Variants in IGLON5 observed in about 807,000 individuals in gnomAD.
IGLON5 encodes the protein IgLON family member 5, also known as Ig-like domain-containing protein ENSP00000270642.
IGLON5 carries 16 observed loss-of-function variants against 38.2 expected under a neutral mutation model. The observed-to-expected ratio is 0.42, with a 90% CI of 0.28 to 0.64. IGLON5 has a LOEUF of 0.64. Ranked by LOEUF, IGLON5 falls within the 30% of genes least tolerant of loss-of-function variation. The pLI, the probability that IGLON5 is intolerant of heterozygous loss-of-function variation, is 0.23. For missense variants in IGLON5, 366 were observed against 483.4 expected (o/e 0.76, Z 2.28); for synonymous variants, 207 against 216.4 (o/e 0.96, Z 0.38).
At chr19:51,328,366 G>C (rs1985267245) in intron 7 of IGLON5, among the ~76,000 whole-genome samples, 1 of 137,970 alleles carries the variant, frequency 7.2e-6, no homozygotes, top group Admixed American at 6.7e-5. Context: ...ACAAAAATTA[G>C]CCAGGCGTAG....
In IGLON5 at chr19:51,322,054, C is replaced by T. The variant is rs751621409; in HGVS notation, c.80-10C>T. 5.6e-5 allele frequency: 90 copies of T among 1,612,548 alleles called. No individual in the cohort carries two copies. Among genetic ancestry groups the T allele is most frequent in the Middle Eastern group, 1.6e-4 (1 of 6,074 alleles). ...AGCTGCCAAGGCTGAGCCACCCCCA[C>T]CTTCCACAGGGCTGCTCTCCCAGAG... is the stretch of plus-strand genomic sequence containing the variant. On this transcript the variant is annotated splice_polypyrimidine_tract_variant and intron_variant, in intron 1 of 7. Coordinates refer to ENST00000270642, the MANE Select transcript of IGLON5 (RefSeq NM_001101372.3).
intron 1 of IGLON5, among the ~76,000 whole-genome samples, chr19:51,316,436 G>A (rs766980725): frequency 6.0e-5 from 9 of 151,018 alleles, no homozygotes; most frequent in Middle Eastern, 3.2e-3. Context: ...CCCTGGTGTC[G>A]GTGACGCTAA....
intron 1 of IGLON5, among the ~76,000 whole-genome samples, chr19:51,315,713 T>TTTTTTTTTG (rs758372004): frequency 1.0e-5 from 1 of 96,014 alleles, no homozygotes; most frequent in African/African-American, 3.6e-5. Flanking sequence ...TTTTTTTTTT[T>TTTTTTTTTG]GAGACAGAGT....
chr19:51,327,168 C>A lies in IGLON5; in HGVS notation c.735C>A (p.Pro245=), dbSNP rs373708171. 2 of 1,612,452 alleles carry A rather than the reference C, an allele frequency of 1.2e-6. No individual in the cohort carries two copies. Among genetic ancestry groups the A allele is most frequent in the Non-Finnish European group, 1.7e-6 (2 of 1,179,662 alleles). The change falls in exon 6 of 8, where the codon CCC becomes CCA. Residue 245 remains proline (P), a synonymous_variant. Coordinates refer to ENST00000270642, the MANE Select transcript of IGLON5 (RefSeq NM_001101372.3). This position sits in a 1 kb window ranked among gnomAD's most constrained non-coding sequence, Gnocchi z 7.1. ...LLRCEAMAVP[P]ADFQWYKDDR... ...GCTGCGAAGCCATGGCGGTTCCCCC[C>A]GCGGATTTCCAGTGGTACAAGGATG... is the stretch of plus-strand genomic sequence containing the variant.
chr19:51,318,871 C>T (rs764973631), intron 1 of IGLON5, among the ~76,000 whole-genome samples: 2 of 152,174 alleles, frequency 1.3e-5, no homozygotes, highest in Non-Finnish European at 2.9e-5. Flanking sequence ...AGGGTAGGCA[C>T]CTTGGACAGC....
intron 1 of IGLON5, among the ~76,000 whole-genome samples, chr19:51,321,662 C>T (rs1164767132): frequency 6.6e-6 from 1 of 152,096 alleles, no homozygotes; most frequent in African/African-American, 2.4e-5. Context: ...ATATATGTGT[C>T]TGTGTACACA....
intron 1 of IGLON5, among the ~76,000 whole-genome samples, chr19:51,315,037 CT>C (rs1377674619): frequency 6.6e-6 from 1 of 152,192 alleles, no homozygotes; most frequent in East Asian, 1.9e-4. Flanking sequence ...TGCAATCGGC[CT>C]TTTCCCACTT....
chr19:51,328,291 C>T (rs1985265381), intron 7 of IGLON5, among the ~76,000 whole-genome samples: 1 of 149,206 alleles, frequency 6.7e-6, no homozygotes, highest in African/African-American at 2.5e-5. Context: ...CACCTGAAGT[C>T]AGGAATTTGA....
chr19:51,313,068 A>G (rs1428455575), intron 1 of IGLON5, among the ~76,000 whole-genome samples: 6 of 152,198 alleles, frequency 3.9e-5, no homozygotes, highest in African/African-American at 1.2e-4. Flanking sequence ...GGCCGCCCGC[A>G]TAGACCAAGT....
chr19:51,323,816 GGC>G lies in IGLON5; in HGVS notation c.315_316del (p.Asp106ArgfsTer40). The G allele has an allele frequency of 7.4e-6, 12 of 1,613,874 alleles. No individual in the cohort carries two copies. Among genetic ancestry groups the G allele is most frequent in the Non-Finnish European group, 9.3e-6 (11 of 1,179,874 alleles). ...FSILITEVGL[G>X]DEGLYTCSFQ... ...CATCCTCATCACCGAGGTGGGGCTC[GGC>G]GACGAGGGCCTCTACACCTGCTCCT... On this transcript the variant is annotated frameshift_variant, in exon 3 of 8. Coordinates refer to ENST00000270642, the MANE Select transcript of IGLON5 (RefSeq NM_001101372.3). LOFTEE classifies it high-confidence loss of function.
intron 1 of IGLON5, among the ~76,000 whole-genome samples, chr19:51,315,489 C>T (rs1425765254): frequency 6.6e-6 from 1 of 152,070 alleles, no homozygotes; most frequent in Non-Finnish European, 1.5e-5. Context: ...CCTCACGGAG[C>T]TTAGATCATA....
chr19:51,323,507 C>G (rs1985129321), intron 2 of IGLON5, among the ~76,000 whole-genome samples, 155 bp from the exon 3 acceptor site: 1 of 152,166 alleles, frequency 6.6e-6, no homozygotes, highest in South Asian at 2.1e-4. Context: ...GCTCAACTTA[C>G]CCCCAGCTGT....
Position 51,328,667 on chromosome 19 carries a change from C to T in IGLON5, c.923-4C>T. On this transcript the variant is annotated splice_region_variant and splice_polypyrimidine_tract_variant and intron_variant, in intron 7 of 7. Coordinates refer to ENST00000270642, the MANE Select transcript of IGLON5 (RefSeq NM_001101372.3). ...TCCCTCCATGACCCCTTCTCTTCCC[C>T]CAGGCCCAGGATCCCTGGAGAACTC... 6.4e-7 allele frequency: 1 copy of T among 1,563,444 alleles called. No homozygotes were observed. Among genetic ancestry groups the T allele is most frequent in the Non-Finnish European group, 8.7e-7 (1 of 1,154,714 alleles).
intron 1 of IGLON5, among the ~76,000 whole-genome samples, chr19:51,319,708 C>T (rs1049780830): frequency 6.6e-6 from 1 of 152,082 alleles, no homozygotes; most frequent in African/African-American, 2.4e-5. Context: ...ACAATATGAG[C>T]GCTCCTGGGA....
At chr19:51,328,413 G>A (rs752285850) in intron 7 of IGLON5, among the ~76,000 whole-genome samples, 35 of 151,238 alleles carry the variant, frequency 2.3e-4, no homozygotes, top group Non-Finnish European at 4.4e-4. Flanking sequence ...TCAGGATGCT[G>A]AGGCAAGAGG....
Position 51,327,585 on chromosome 19 carries a change from A to T in IGLON5, c.768-147A>T. 8.5e-7 allele frequency: 1 copy of T among 1,171,208 alleles called. No individual in the cohort carries two copies. Among genetic ancestry groups the T allele is most frequent in the Non-Finnish European group, 1.2e-6 (1 of 849,684 alleles). The allele number at this position is 1,171,208 out of a possible 1,614,324, so 72.6% of individuals were successfully genotyped here. ...GGGGGGCGGCGGTGGGAGTGACCCG[A>T]GGTACATGAGGTGCTAGAACCCGAG... On this transcript the variant is annotated intron_variant, in intron 6 of 7. Coordinates refer to ENST00000270642, the MANE Select transcript of IGLON5 (RefSeq NM_001101372.3). This position sits in a 1 kb window ranked among gnomAD's most constrained non-coding sequence, Gnocchi z 7.1.
intron 4 of IGLON5, 69 bp from the exon 5 acceptor site, chr19:51,326,695 T>C: frequency 8.0e-7 from 1 of 1,246,274 alleles, no homozygotes. Context: ...GTGTCCGTGT[T>C]GTGCCCGTGT....
chr19:51,311,847 G>C lies in IGLON5; in HGVS notation c.-1G>C. Reference sequence around the variant, plus strand: ...TCCCCCTCCGCGCCGCCTCTGCCGCGATGCCCCCCCCTGCGCCCGGGGCCC... The same window carrying C: ...TCCCCCTCCGCGCCGCCTCTGCCGCCATGCCCCCCCCTGCGCCCGGGGCCC... On this transcript the variant is annotated 5_prime_UTR_variant, in exon 1 of 8. Coordinates refer to ENST00000270642, the MANE Select transcript of IGLON5 (RefSeq NM_001101372.3). 2.4e-6 allele frequency: 3 copies of C among 1,240,376 alleles called. No individual in the cohort carries two copies. The highest frequency in any genetic ancestry group is 2.5e-5 in the South Asian group (1 of 40,360). The allele number at this position is 1,240,376 out of a possible 1,614,324, so 76.8% of individuals were successfully genotyped here. A position where few individuals can be genotyped will look rare whatever the true frequency, so the allele number is the denominator to read the frequency against.
chr19:51,326,788 T>A lies in IGLON5; in HGVS notation c.536T>A (p.Ile179Asn). 2 of 1,549,500 alleles carry A rather than the reference T, an allele frequency of 1.3e-6. No individual in the cohort carries two copies. The highest frequency in any genetic ancestry group is 2.4e-5 in the East Asian group (1 of 40,878). Residue 179 changes from isoleucine to asparagine, a missense_variant, in exon 5 of 8, where the codon ATC (isoleucine) becomes AAC (asparagine). Physicochemically the swap from Ile to Asn is moderately radical, Grantham distance 149 (BLOSUM62 -3). Coordinates refer to ENST00000270642, the MANE Select transcript of IGLON5 (RefSeq NM_001101372.3). ...GACGGCTTCACCTCGGAGGGAGAGA[T>A]CCTGGAGATCTCTGACATCCAGCGG... is the stretch of plus-strand genomic sequence containing the variant. ...LRDGFTSEGE[I>N]LEISDIQRGQ...
Sources: gnomAD v4.1 joint callset for allele counts (sites outside exome capture counted in the v4.1 genomes callset) on GRCh38, gnomAD v4.1.1 for gene constraint, Gnocchi (gnomAD v3.1) non-coding constraint, MANE v1.5 for transcripts, NCBI Gene and HGNC (gene_info 2026-07-23, HGNC 2026-07-21) for gene names.